Variants in HSH2D observed in about 807,000 individuals in gnomAD.
HSH2D encodes the protein hematopoietic SH2 domain containing, also known as hematopoietic SH2 domain-containing protein.
HSH2D carries 16 observed loss-of-function variants against 21.5 expected under a neutral mutation model. The observed-to-expected ratio is 0.74, with a 90% CI of 0.50 to 1.13. HSH2D has a LOEUF of 1.13. Among genes scored for constraint, HSH2D ranks in the 50% most tolerant of loss-of-function variants. The probability of loss-of-function intolerance (pLI) is 0.00; values close to 1 mark genes in which losing one functional copy is unlikely to be tolerated. For synonymous variants in HSH2D, 172 were observed against 184.7 expected, an observed-to-expected ratio of 0.93 and a Z score of 0.56; for missense variants, 418 against 441.4, an observed-to-expected ratio of 0.95 and a Z score of 0.47.
intron 2 of HSH2D, among the ~76,000 whole-genome samples, chr19:16,150,013 A>G (rs893688433): frequency 1.3e-5 from 2 of 152,210 alleles, no homozygotes; most frequent in Admixed American, 1.3e-4. Context: ...GGCCACAGAG[A>G]GGAAGTAGTA....
At chr19:16,141,404 G>A (rs1029088597), upstream of HSH2D, among the ~76,000 whole-genome samples, 1 of 152,212 alleles carries the variant, frequency 6.6e-6, no homozygotes, top group Non-Finnish European at 1.5e-5. Flanking sequence ...GAAAGGAGAG[G>A]AGGAAGTAGT....
At chr19:16,135,362 G>C (rs1056153564) in intron 1 of HSH2D, among the ~76,000 whole-genome samples, 2 of 151,996 alleles carry the variant, frequency 1.3e-5, no homozygotes, top group Non-Finnish European at 2.9e-5. Context: ...CCAGGAGTTG[G>C]AGGCTGCAGT....
chr19:16,145,557 A>T (rs1198160302), intron 1 of HSH2D, among the ~76,000 whole-genome samples: 4 of 152,240 alleles, frequency 2.6e-5, no homozygotes, highest in East Asian at 1.9e-4. Flanking sequence ...GCTTTATTAA[A>T]CATTTCTTAA....
rs1438206013 is a variant in HSH2D at position 16,153,160 on chromosome 19, G to A, written c.333G>A (p.Gln111=). The change falls in exon 4 of 6, where the codon CAG becomes CAA. Residue 111 remains glutamine (Q), a synonymous_variant. Coordinates refer to ENST00000613986, the MANE Select transcript of HSH2D (RefSeq NM_001382417.1). ...ACGCCCTGGTCACCTTCCACCAGCA[G>A]AAGCCAATTGAGCCGCGCAGGGAGC... ...SLDALVTFHQ[Q]KPIEPRRELL... is the part of the protein sequence containing the mutation. 1 of 1,576,258 alleles carries A rather than the reference G, an allele frequency of 6.3e-7. No individual in the cohort carries two copies. The highest frequency in any genetic ancestry group is 1.3e-5 in the African/African-American group (1 of 74,250).
intron 1 of HSH2D, among the ~76,000 whole-genome samples, chr19:16,134,393 AGT>A (rs2090945636): frequency 6.6e-6 from 1 of 152,208 alleles, no homozygotes; most frequent in Non-Finnish European, 1.5e-5. Context: ...TTGTACAGAA[AGT>A]GTATGAGCCA....
rs1599424438 is a variant in HSH2D, at chr19:16,153,125, A to C, written c.298A>C (p.Thr100Pro). The C allele has an allele frequency of 1.3e-6, 2 of 1,598,058 alleles. No homozygotes were observed. The highest frequency in any genetic ancestry group is 1.7e-6 in the Non-Finnish European group (2 of 1,172,984). Reference sequence around the variant, plus strand: ...GATCCCCGGGGAGAAGGTGGCCCACACCTCGCTGGACGCCCTGGTCACCTT... The same window carrying C: ...GATCCCCGGGGAGAAGGTGGCCCACCCCTCGCTGGACGCCCTGGTCACCTT... ...FMIPGEKVAH[T>P]SLDALVTFHQ... is the part of the protein sequence containing the mutation. Residue 100 changes from threonine (T) to proline (P), a missense_variant, in exon 4 of 6, where the codon ACC becomes CCC. Physicochemically the swap from Thr to Pro is conservative, Grantham distance 38. Coordinates refer to ENST00000613986, the MANE Select transcript of HSH2D (RefSeq NM_001382417.1).
rs1340057291 is a variant in HSH2D, at chr19:16,154,492, G to T, written c.474+1G>T. The stretch of plus-strand genomic sequence containing the variant: ...CTGCCCGGTGTCTGCCCCTGAGGAG[G>T]TATGTATATGACAGGAGGCTGGCAC... On this transcript the variant is annotated splice_donor_variant, in intron 5 of 5. Transcript: ENST00000613986. LOFTEE classifies it high-confidence loss of function. The T allele has an allele frequency of 1.9e-6, 3 of 1,547,908 alleles. No homozygotes were observed. The highest frequency in any genetic ancestry group is 2.4e-5 in the East Asian group (1 of 40,938).
Position 16,153,175 on chromosome 19 carries a change from G to C in HSH2D, c.348G>C (p.Pro116=), listed in dbSNP as rs1336980033. The part of the protein sequence containing the change: ...VTFHQQKPIE[P]RRELLTQPCR... Reference sequence around the variant, plus strand: ...TCCACCAGCAGAAGCCAATTGAGCCGCGCAGGGAGCTGCTGACACAGCCCT... The same window carrying C: ...TCCACCAGCAGAAGCCAATTGAGCCCCGCAGGGAGCTGCTGACACAGCCCT... Residue 116 remains proline, a synonymous_variant, in exon 4 of 6, where the codon CCG becomes CCC. Coordinates refer to ENST00000613986, the MANE Select transcript of HSH2D (RefSeq NM_001382417.1). The C allele has an allele frequency of 4.5e-6, 7 of 1,563,260 alleles. No individual in the cohort carries two copies. Among genetic ancestry groups the C allele is most frequent in the South Asian group, 1.2e-5 (1 of 85,108 alleles).
chr19:16,147,576 G>A (rs2091089096), intron 1 of HSH2D, among the ~76,000 whole-genome samples: 1 of 151,638 alleles, frequency 6.6e-6, no homozygotes, highest in Middle Eastern at 3.2e-3. Flanking sequence ...ATGAATGAAT[G>A]TGTAAAAACT....
chr19:16,154,161 T>C (rs1448962128), intron 4 of HSH2D, among the ~76,000 whole-genome samples: 3 of 152,022 alleles, frequency 2.0e-5, no homozygotes, highest in Non-Finnish European at 2.9e-5. Context: ...GGGTGTGGCC[T>C]AGCTCCCAAG....
chr19:16,144,237 G>T (rs1387907148), intron 1 of HSH2D, among the ~76,000 whole-genome samples: 1 of 152,046 alleles, frequency 6.6e-6, no homozygotes, highest in Non-Finnish European at 1.5e-5. Context: ...ATCCCTAGGA[G>T]GCCCTCAGGC....
At chr19:16,147,503 A>G (rs2091088137) in intron 1 of HSH2D, among the ~76,000 whole-genome samples, 1 of 151,318 alleles carries the variant, frequency 6.6e-6, no homozygotes. Context: ...AAAAAAGAAA[A>G]AAAACACAAT....
At chr19:16,153,733 C>T (rs1446172975) in intron 4 of HSH2D, among the ~76,000 whole-genome samples, 1 of 151,348 alleles carries the variant, frequency 6.6e-6, no homozygotes, top group East Asian at 2.0e-4. Flanking sequence ...TGGCCTGGCT[C>T]CCAATAAACT....
chr19:16,154,356 C>A (rs754083096), intron 4 of HSH2D, 43 bp from the exon 5 acceptor site: 1 of 1,386,748 alleles, frequency 7.2e-7, no homozygotes. Flanking sequence ...CAGGACCTTT[C>A]CCCCTCCCTA....
At chr19:16,151,325 C>CAAAAA (rs781392050) in intron 2 of HSH2D, 5 of 108,744 alleles carry the variant, frequency 4.6e-5, no homozygotes, top group African/African-American at 3.0e-4. Flanking sequence ...AACTCCAACT[C>CAAAAA]AAAAAAAAAA....
intron 2 of HSH2D, among the ~76,000 whole-genome samples, chr19:16,149,492 C>T (rs285289): frequency 0.018 from 2,732 of 151,952 alleles, 83 homozygotes; most frequent in African/African-American, 0.063. Context: ...CGTGAGCCAC[C>T]GCACCCGGCC....
chr19:16,146,939 C>A (rs1257270432), intron 1 of HSH2D, among the ~76,000 whole-genome samples: 2 of 151,622 alleles, frequency 1.3e-5, no homozygotes, highest in African/African-American at 4.8e-5. Context: ...AATTCTCCTG[C>A]CTCAGCCTCC....
intron 1 of HSH2D, among the ~76,000 whole-genome samples, chr19:16,134,615 T>C (rs898234049): frequency 1.3e-5 from 2 of 151,984 alleles, no homozygotes; most frequent in Admixed American, 1.3e-4. Flanking sequence ...TTTGAATGTC[T>C]CATCGGCACC....
intron 2 of HSH2D, among the ~76,000 whole-genome samples, 184 bp downstream of exon 2, chr19:16,149,059 G>A (rs1187851556): frequency 1.3e-5 from 2 of 152,142 alleles, no homozygotes; most frequent in Non-Finnish European, 1.5e-5. Flanking sequence ...GTGTGACCTG[G>A]GGCAAGTTAC....
Sources: allele counts gnomAD v4.1 joint callset (sites outside exome capture counted in the v4.1 genomes callset), GRCh38; gene constraint gnomAD v4.1.1; transcripts MANE v1.5; gene names NCBI Gene and HGNC (gene_info 2026-07-23, HGNC 2026-07-21).